The following PRRC2C variants were observed in gnomAD, a reference collection of about 807,000 sequenced individuals.
PRRC2C encodes proline rich coiled-coil 2C, also known as protein PRRC2C.
PRRC2C carries 72 observed loss-of-function variants against 317.2 expected under a neutral mutation model. That is an observed-to-expected ratio of 0.23 (90% confidence interval 0.19 to 0.28). The LOEUF is 0.28. Ranked by LOEUF, PRRC2C falls within the 10% of genes least tolerant of loss-of-function variation. The pLI, the probability that PRRC2C is intolerant of heterozygous loss-of-function variation, is 1.00. For missense variants in PRRC2C, 3,074 were observed against 3,459.7 expected (o/e 0.89, Z 2.80); for synonymous variants, 1,296 against 1,205.9 (o/e 1.07, Z -1.55).
In PRRC2C at chr1:171,575,020, G is replaced by A. The variant is rs369612120; in HGVS notation, c.6847G>A (p.Val2283Ile). 9.9e-6 allele frequency: 16 copies of A among 1,613,800 alleles called. No homozygotes were observed. The highest frequency in any genetic ancestry group is 1.3e-5 in the African/African-American group (1 of 74,938). ...TSTAPPIATG[V>I]SSSASGPSTA... ...CACAGCACCTCCAATTGCAACTGGA[G>A]TCAGCAGTAGTGCCAGTGGACCAAG... Residue 2283 changes from valine to isoleucine, a missense_variant, in exon 25 of 35, where the codon GTC becomes ATC. Physicochemically the swap from Val to Ile is conservative, Grantham distance 29 (BLOSUM62 3). This residue lies in a region of PRRC2C where 490 missense variants were observed against 663.1 expected (regional missense o/e 0.74). Transcript: ENST00000647382.
chr1:171,539,891 T>C, intron 15 of PRRC2C, 80 bp from the exon 16 acceptor site: 1 of 1,184,042 alleles, frequency 8.4e-7, no homozygotes, highest in Non-Finnish European at 1.2e-6. Context: ...CTTTCTGTTT[T>C]AGAGGGATTA....
chr1:171,548,128 G>A (rs1679515509), intron 17 of PRRC2C, among the ~76,000 whole-genome samples: 1 of 151,890 alleles, frequency 6.6e-6, no homozygotes, highest in East Asian at 1.9e-4. Context: ...ACTATTCCCA[G>A]CTAATTTTTT....
intron 1 of PRRC2C, among the ~76,000 whole-genome samples, chr1:171,501,609 T>C (rs1179851253): frequency 1.3e-5 from 2 of 152,208 alleles, no homozygotes; most frequent in Non-Finnish European, 2.9e-5. Flanking sequence ...CTGCCCTTAA[T>C]GATTGAGATT....
Position 171,540,176 on chromosome 1 carries a change from AAGACCTTATCCGCTCCTCAAGAGGAG to A in PRRC2C, c.2711_2736del (p.Lys904ThrfsTer20). 1 of 1,613,908 alleles carries A rather than the reference AAGACCTTATCCGCTCCTCAAGAGGAG, an allele frequency of 6.2e-7. No homozygotes were observed. The highest frequency in any genetic ancestry group is 8.5e-7 in the Non-Finnish European group (1 of 1,179,856). On this transcript the variant is annotated frameshift_variant, in exon 16 of 35. Transcript: ENST00000647382. LOFTEE classifies it high-confidence loss of function. ...TGCTTGTTTTGAAGCACCTGATCAAAAGACCTTATCCGCTCCTCAAGAGGAGCGGATTTCAGCTGTAGAAAGTCAGC... is the reference window on the plus strand; with the variant it reads ...TGCTTGTTTTGAAGCACCTGATCAAACGGATTTCAGCTGTAGAAAGTCAGC...
Position 171,566,823 on chromosome 1 carries a change from G to A in PRRC2C, c.6538G>A (p.Glu2180Lys). The A allele has an allele frequency of 6.2e-7, 1 of 1,613,288 alleles. No homozygotes were observed. Among genetic ancestry groups the A allele is most frequent in the South Asian group, 1.1e-5 (1 of 90,928 alleles). Residue 2180 changes from glutamate to lysine, a missense_variant, in exon 22 of 35, where the codon GAA (glutamate) becomes AAA (lysine). Transcript: ENST00000647382. ...AACAATGATCTCGGTATCATCTGCA[G>A]AATATGGTACTAATGCAAAGGTAAG... ...IGTMISVSSA[E>K]YGTNAKESVT... is the part of the protein sequence containing the mutation.
In PRRC2C at chr1:171,512,005, A is replaced by G. The variant is rs2102247357; in HGVS notation, c.-57-27A>G. ...TGAATTTACTGAGTTTTTCATCCTT[A>G]TTTTTCTTTCTTATGTACATCTTAA... is the stretch of plus-strand genomic sequence containing the variant. On this transcript the variant is annotated intron_variant, in intron 1 of 34. Coordinates refer to ENST00000647382, the MANE Select transcript of PRRC2C (RefSeq NM_001387844.1). The G allele has an allele frequency of 4.6e-6, 3 of 651,438 alleles. No homozygotes were observed. The East Asian group carries it at 9.6e-5, about 21-fold the overall frequency. The allele number at this position is 651,438 out of a possible 1,614,324, so 40.4% of individuals were successfully genotyped here.
chr1:171,569,627 T>G (rs990991056), intron 23 of PRRC2C, among the ~76,000 whole-genome samples: 1 of 141,200 alleles, frequency 7.1e-6, no homozygotes, highest in Admixed American at 7.1e-5. Flanking sequence ...TCCTTATACC[T>G]CCTGTGAAAA....
chr1:171,546,286 G>A (rs989337109), intron 17 of PRRC2C, among the ~76,000 whole-genome samples: 4 of 152,176 alleles, frequency 2.6e-5, no homozygotes, highest in East Asian at 1.9e-4. Flanking sequence ...CATGTAAAAT[G>A]TACTATTTGC....
At chr1:171,565,196 A>G (rs973102146) in intron 20 of PRRC2C, among the ~76,000 whole-genome samples, 1 of 151,746 alleles carries the variant, frequency 6.6e-6, no homozygotes, top group African/African-American at 2.4e-5. Flanking sequence ...CTTGACCTTT[A>G]CCCTAGGTAT....
chr1:171,522,266 C>A lies in PRRC2C; in HGVS notation c.833+7C>A. 1 of 1,537,860 alleles carries A rather than the reference C, an allele frequency of 6.5e-7. No homozygotes were observed. The highest frequency in any genetic ancestry group is 9.0e-7 in the Non-Finnish European group (1 of 1,113,268). ...CTTTATCTGAAACAAACAAGTAAGGCTATTAAATGATTAAAGTCTGTAAGG... is the reference window on the plus strand; with the variant it reads ...CTTTATCTGAAACAAACAAGTAAGGATATTAAATGATTAAAGTCTGTAAGG... On this transcript the variant is annotated splice_region_variant and intron_variant, in intron 7 of 34. Coordinates refer to ENST00000647382, the MANE Select transcript of PRRC2C (RefSeq NM_001387844.1).
At chr1:171,492,336 A>T (rs1290169379) in intron 1 of PRRC2C, among the ~76,000 whole-genome samples, 1 of 152,224 alleles carries the variant, frequency 6.6e-6, no homozygotes, top group African/African-American at 2.4e-5. Context: ...AAGAAAAAAT[A>T]TTTTGATTAT....
chr1:171,519,398 G>A (rs1049572087), intron 6 of PRRC2C, among the ~76,000 whole-genome samples: 1 of 152,100 alleles, frequency 6.6e-6, no homozygotes, highest in Non-Finnish European at 1.5e-5. Flanking sequence ...CGTTGAGATT[G>A]GTTCATATTT....
At chr1:171,569,884 A>G (rs1260811673) in intron 23 of PRRC2C, among the ~76,000 whole-genome samples, 3 of 151,960 alleles carry the variant, frequency 2.0e-5, no homozygotes, top group African/African-American at 4.8e-5. Flanking sequence ...GGAAGAAAAA[A>G]TTATTATTCT....
In PRRC2C at chr1:171,513,140, G is replaced by T. The variant is rs1164150779; in HGVS notation, c.258G>T (p.Trp86Cys). The stretch of plus-strand genomic sequence containing the variant: ...TTGTACCTAAAGATGGCACAGGGTG[G>T]GCATCAAAACAAGAGCAACATGAAG... ...VNIVPKDGTG[W>C]ASKQEQHEEE... Residue 86 changes from tryptophan (W) to cysteine (C), a missense_variant, in exon 3 of 35, where the codon TGG becomes TGT. Trp to Cys is a radical substitution (Grantham distance 215, BLOSUM62 -2). Around this residue, in one of 11 missense-constraint regions of PRRC2C, gnomAD observed 71 missense variants for 118.9 expected, o/e 0.60. Coordinates refer to ENST00000647382, the MANE Select transcript of PRRC2C (RefSeq NM_001387844.1). 6.2e-7 allele frequency: 1 copy of T among 1,612,578 alleles called. No homozygotes were observed. Among genetic ancestry groups the T allele is most frequent in the Admixed American group, 1.7e-5 (1 of 59,682 alleles).
At chr1:171,561,213 T>G in intron 20 of PRRC2C, 110 bp downstream of exon 20, 1 of 1,079,988 alleles carries the variant, frequency 9.3e-7, no homozygotes, top group South Asian at 1.3e-5. Flanking sequence ...GAGGGTTACT[T>G]GAGTCCGGGA....
chr1:171,502,999 A>G (rs1363115139), intron 1 of PRRC2C, among the ~76,000 whole-genome samples: 1 of 152,180 alleles, frequency 6.6e-6, no homozygotes, highest in African/African-American at 2.4e-5. Context: ...CTGGGATTAC[A>G]GCATGAGCCA....
intron 18 of PRRC2C, 69 bp downstream of exon 18, chr1:171,550,309 C>G: frequency 1.4e-6 from 2 of 1,382,888 alleles, no homozygotes; most frequent in Non-Finnish European, 1.9e-6. Flanking sequence ...AGCAAATGTT[C>G]AAGGTTTTTA....
At position 171,522,177 on chromosome 1, in the gene PRRC2C, A is replaced by G; in HGVS notation, c.751A>G (p.Met251Val). 2 of 1,537,752 alleles carry G rather than the reference A, an allele frequency of 1.3e-6. No individual in the cohort carries two copies. The highest frequency in any genetic ancestry group is 1.8e-6 in the Non-Finnish European group (2 of 1,131,034). ...SQYRAMMPPY[M>V]FQQYPRMTYP... ...ACAATTTTTTGTTTCCTTCATTCAG[A>G]TGTTCCAACAGTATCCGAGGATGAC... Residue 251 changes from methionine to valine, a missense_variant and splice_region_variant, in exon 7 of 35, where the codon ATG becomes GTG. By Grantham distance (21) the Met-to-Val change is conservative (BLOSUM62 1). Coordinates refer to ENST00000647382, the MANE Select transcript of PRRC2C (RefSeq NM_001387844.1).
At chr1:171,588,067 G>A (rs1423851472) in intron 32 of PRRC2C, among the ~76,000 whole-genome samples, 2 of 151,882 alleles carry the variant, frequency 1.3e-5, no homozygotes, top group African/African-American at 4.8e-5. Context: ...CAAACACCTG[G>A]GCTCAAGCAA....
Sources: allele counts gnomAD v4.1 joint callset (sites outside exome capture counted in the v4.1 genomes callset), GRCh38; gene constraint gnomAD v4.1.1; regional missense constraint gnomAD v4.1.1; transcripts MANE v1.5; gene names NCBI Gene and HGNC (gene_info 2026-07-23, HGNC 2026-07-21).